Variants in CELF2 observed in about 807,000 individuals in gnomAD.
CELF2 encodes the protein CUG triplet repeat RNA-binding protein 2.
Under a neutral mutation model 62.6 loss-of-function variants are expected in CELF2, and 8 were observed. The observed-to-expected ratio is 0.13, with a 90% CI of 0.07 to 0.23. CELF2 has a LOEUF of 0.23. Ranked by LOEUF, CELF2 falls within the 10% of genes least tolerant of loss-of-function variation. The probability of loss-of-function intolerance (pLI) is 1.00; values close to 1 mark genes in which losing one functional copy is unlikely to be tolerated. For synonymous variants in CELF2, 258 were observed against 250.0 expected (o/e 1.03, Z -0.30); for missense variants, 333 against 671.0 (o/e 0.50, Z 5.56).
intron 1 of CELF2, among the ~76,000 whole-genome samples, chr10:11,108,756 T>C (rs2054348122): frequency 6.6e-6 from 1 of 152,250 alleles, no homozygotes; most frequent in South Asian, 2.1e-4. Context: ...AGCTGTATCA[T>C]TGTCATTTTC....
chr10:10,981,923 G>A (rs1459701327), intron 2 of CELF2, among the ~76,000 whole-genome samples: 1 of 150,312 alleles, frequency 6.7e-6, no homozygotes, highest in East Asian at 1.9e-4. Context: ...TAACTGCCTG[G>A]TAGACCCTCT....
chr10:11,331,342 A>G lies in CELF2; in HGVS notation c.*2289A>G, dbSNP rs2096013352. The G allele has an allele frequency of 1.3e-5, 2 of 149,256 alleles. No individual in the cohort carries two copies. Among genetic ancestry groups the G allele is most frequent in the South Asian group, 2.1e-4 (1 of 4,692 alleles). 9.2% of individuals were successfully genotyped at this position (149,256 alleles called of 1,614,324 possible). ...GTTTGCTTAAAAAAAATTTCATGTG[A>G]GGGAAAAAAAAAAAACCTATTCCAG... On this transcript the variant is annotated 3_prime_UTR_variant, in exon 13 of 13. Transcript: ENST00000633077.
intron 2 of CELF2, among the ~76,000 whole-genome samples, chr10:11,167,652 A>G (rs1374009038): frequency 1.3e-5 from 2 of 152,178 alleles, no homozygotes; most frequent in African/African-American, 2.4e-5. Context: ...ATTTGATACT[A>G]TACATTTTGT....
chr10:10,867,282 T>C (rs960592728), intron 1 of CELF2, among the ~76,000 whole-genome samples: 4 of 152,220 alleles, frequency 2.6e-5, no homozygotes, highest in Non-Finnish European at 4.4e-5. Context: ...CAGCACACCA[T>C]TGAGTGTGGA....
At chr10:11,286,680 T>G (rs1451406956) in intron 8 of CELF2, among the ~76,000 whole-genome samples, 1 of 152,210 alleles carries the variant, frequency 6.6e-6, no homozygotes, top group Admixed American at 6.5e-5. Flanking sequence ...TATGGCACTG[T>G]GTGACCCTTG....
At chr10:10,492,386 A>G in the CELF2 span, among the ~76,000 whole-genome samples, 1 of 152,218 alleles carries the variant, frequency 6.6e-6, no homozygotes, top group Non-Finnish European at 1.5e-5. Context: ...GGTGCAGCAC[A>G]CCAACATGGC....
At chr10:11,122,311 G>A (rs539804383) in intron 1 of CELF2, among the ~76,000 whole-genome samples, 1 of 152,132 alleles carries the variant, frequency 6.6e-6, no homozygotes, top group Non-Finnish European at 1.5e-5. Context: ...TTAAAAATTT[G>A]CAATAATGAT....
intron 2 of CELF2, among the ~76,000 whole-genome samples, chr10:10,996,662 C>G (rs2053983958): frequency 6.6e-6 from 1 of 152,172 alleles, no homozygotes; most frequent in African/African-American, 2.4e-5. Flanking sequence ...AGGTTTCAAC[C>G]CTTTTATAAT....
the CELF2 span, among the ~76,000 whole-genome samples, chr10:10,556,603 G>A: frequency 0.014 from 2,127 of 152,130 alleles, 65 homozygotes; most frequent in East Asian, 0.097. Flanking sequence ...CTGAGGAGTC[G>A]CCACGCTGAC....
the CELF2 span, among the ~76,000 whole-genome samples, chr10:10,732,671 C>T: frequency 4.6e-5 from 7 of 151,924 alleles, no homozygotes; most frequent in Non-Finnish European, 8.8e-5. Flanking sequence ...TTACAGGCAC[C>T]CACCACCACG....
rs540614097 is a variant in CELF2 at position 11,242,972 on chromosome 10, G to A, written c.355-6181G>A. ...TGCTGGGTCAGAACCAAACCACTGC[G>A]TGCTGTCGTGGGTGCAGAAGCTTAG... On this transcript the variant is annotated intron_variant, in intron 3 of 12. Transcript: ENST00000633077. The surrounding 1 kb of genome is among the most constrained non-coding windows in gnomAD (Gnocchi z 4.8). 6.2e-4 allele frequency among the ~76,000 whole-genome samples: 94 copies of A among 152,266 alleles called. 1 individual carries two copies. The South Asian group carries it at 0.017, about 27-fold the overall frequency.
chr10:10,899,419 A>T (rs181715558), intron 1 of CELF2, among the ~76,000 whole-genome samples: 1 of 152,192 alleles, frequency 6.6e-6, no homozygotes, highest in East Asian at 1.9e-4. Flanking sequence ...AACGATAATC[A>T]TGGGTATTAT....
At chr10:11,249,596 G>A (rs1270680312) in intron 4 of CELF2, among the ~76,000 whole-genome samples, 1 of 152,306 alleles carries the variant, frequency 6.6e-6, no homozygotes, top group East Asian at 1.9e-4. Flanking sequence ...TTCTGTGGGT[G>A]GGGGAGGGGC....
the CELF2 span, among the ~76,000 whole-genome samples, chr10:10,481,114 A>G: frequency 1.3e-5 from 2 of 152,160 alleles, no homozygotes; most frequent in Non-Finnish European, 1.5e-5. Flanking sequence ...AAAAAATTCA[A>G]GAGGAATGTT....
At chr10:10,583,237 T>C in the CELF2 span, among the ~76,000 whole-genome samples, 2,158 of 152,310 alleles carry the variant, frequency 0.014, 19 homozygotes, top group Non-Finnish European at 0.022. Context: ...AATTTATTTA[T>C]CTGCTCTTCT....
chr10:10,696,091 T>C, the CELF2 span, among the ~76,000 whole-genome samples: 5 of 152,118 alleles, frequency 3.3e-5, no homozygotes, highest in Non-Finnish European at 7.3e-5. Flanking sequence ...CTCTGCTTTT[T>C]AGAGTTTCCA....
At chr10:11,263,249 C>G (rs896134801) in intron 5 of CELF2, among the ~76,000 whole-genome samples, 2 of 151,820 alleles carry the variant, frequency 1.3e-5, no homozygotes, top group African/African-American at 2.4e-5. Context: ...GTTAGCAATT[C>G]GTAACATTCT....
chr10:10,849,782 T>C (rs2059262773), intron 1 of CELF2, among the ~76,000 whole-genome samples: 1 of 152,092 alleles, frequency 6.6e-6, no homozygotes, highest in Non-Finnish European at 1.5e-5. Context: ...TGTGCACGTG[T>C]ATGTGTATAT....
chr10:10,485,523 A>C, the CELF2 span, among the ~76,000 whole-genome samples: 1 of 152,238 alleles, frequency 6.6e-6, no homozygotes, highest in Non-Finnish European at 1.5e-5. Context: ...AAAGCAGTCC[A>C]ATGGATAATT....
Sources: gnomAD v4.1 joint callset for allele counts (sites outside exome capture counted in the v4.1 genomes callset) on GRCh38, gnomAD v4.1.1 for gene constraint, Gnocchi (gnomAD v3.1) non-coding constraint, MANE v1.5 for transcripts, NCBI Gene and HGNC (gene_info 2026-07-23, HGNC 2026-07-21) for gene names.